Variants in OSGIN1 observed in about 807,000 individuals in gnomAD.
OSGIN1 encodes the protein oxidative stress induced growth inhibitor 1, also known as oxidative stress-induced growth inhibitor 1.
OSGIN1 carries 19 observed loss-of-function variants against 20.1 expected under a neutral mutation model. That is an observed-to-expected ratio of 0.95 (90% CI 0.66 to 1.39). The LOEUF (loss-of-function observed/expected upper bound fraction) is 1.39, where lower values mean the gene tolerates loss of function less well. OSGIN1 is among the 40% of genes most tolerant of loss of function. The pLI, the probability that OSGIN1 is intolerant of heterozygous loss-of-function variation, is 0.00. For missense variants in OSGIN1, 820 were observed against 653.0 expected (o/e 1.26, Z -2.79); for synonymous variants, 368 against 297.8 (o/e 1.24, Z -2.43).
At position 83,965,449 on chromosome 16, in the gene OSGIN1, C is replaced by T. The variant is rs370085717; in HGVS notation, c.876C>T (p.Gly292=). The T allele has an allele frequency of 8.1e-6, 13 of 1,596,516 alleles. No individual in the cohort carries two copies. The highest frequency in any genetic ancestry group is 4.5e-5 in the South Asian group (4 of 89,416). Residue 292 remains glycine (G), a synonymous_variant, in exon 6 of 6, where the codon GGC becomes GGT. Transcript: ENST00000393306. ...CCTCAGACCCTGTCCTCATCATTGG[C>T]GCGGGGCTGTCAGCGGCCGACGCGG... ...TPASDPVLII[G]AGLSAADAVL... is the part of the protein sequence containing the mutation.
chr16:83,957,772 G>A lies in OSGIN1; in HGVS notation c.67+34G>A, dbSNP rs144185083. On this transcript the variant is annotated intron_variant, in intron 2 of 5. Coordinates refer to ENST00000393306, the MANE Select transcript of OSGIN1 (RefSeq NM_182981.3). ...CAGGCCCCAGCCAGGGAGGGGCTCC[G>A]CTGAGCCTTCCGGGTACCCCCCAGG... is the stretch of plus-strand genomic sequence containing the variant. 3,058 of 1,308,598 alleles carry A rather than the reference G, an allele frequency of 2.3e-3. 34 individuals carry two copies. In the African/African-American group the frequency reaches 0.033, roughly 14 times the overall value. 81.1% of individuals were successfully genotyped at this position (1,308,598 alleles called of 1,614,324 possible). A position where few individuals can be genotyped will look rare whatever the true frequency, so the allele number is the denominator to read the frequency against.
intron 1 of OSGIN1, among the ~76,000 whole-genome samples, chr16:83,955,211 C>G (rs1908868820): frequency 6.6e-6 from 1 of 152,176 alleles, no homozygotes; most frequent in Non-Finnish European, 1.5e-5. Context: ...GTATCAGGAG[C>G]AAGCCAGAGA....
chr16:83,959,455 GC>G, intron 3 of OSGIN1, 59 bp downstream of exon 3: 1 of 1,495,126 alleles, frequency 6.7e-7, no homozygotes, highest in African/African-American at 1.4e-5. Context: ...GAAAACTACC[GC>G]CGCTTTCCCA....
At position 83,953,354 on chromosome 16, in the gene OSGIN1, G is replaced by A. The variant is rs1022102064; in HGVS notation, c.-49G>A. ...ACTTGGCCGGGCTCACTGGGCTCCT[G>A]CACCACTGCCTGTCAGGTGAGTGTC... On this transcript the variant is annotated 5_prime_UTR_variant, in exon 1 of 6. Coordinates refer to ENST00000393306, the MANE Select transcript of OSGIN1 (RefSeq NM_182981.3). 3.9e-6 allele frequency: 5 copies of A among 1,288,812 alleles called. No individual in the cohort carries two copies. In the African/African-American group the frequency reaches 7.6e-5, roughly 20 times the overall value. 79.8% of individuals were successfully genotyped at this position (1,288,812 alleles called of 1,614,324 possible).
chr16:83,958,025 T>TGA (rs1567655371), intron 2 of OSGIN1, among the ~76,000 whole-genome samples: 2 of 152,070 alleles, frequency 1.3e-5, no homozygotes, highest in African/African-American at 4.8e-5. Flanking sequence ...TACAGGTGCA[T>TGA]GCCACCATGC....
chr16:83,965,830 G>T lies in OSGIN1; in HGVS notation c.1257G>T (p.Pro419=). ...GADFAVDPDQ[P]LSAKRNPIDV... ...ACTTTGCAGTGGATCCTGACCAGCC[G>T]CTGAGCGCCAAGAGGAACCCCATTG... is the stretch of plus-strand genomic sequence containing the variant. The change falls in exon 6 of 6, where the codon CCG becomes CCT. Residue 419 remains proline (P), a synonymous_variant. Transcript: ENST00000393306. 1 of 1,613,028 alleles carries T rather than the reference G, an allele frequency of 6.2e-7. No homozygotes were observed. Among genetic ancestry groups the T allele is most frequent in the South Asian group, 1.1e-5 (1 of 91,084 alleles).
intron 1 of OSGIN1, 140 bp downstream of exon 1, chr16:83,953,510 C>A: frequency 1.7e-6 from 1 of 586,710 alleles, no homozygotes; most frequent in Non-Finnish European, 2.6e-6. Context: ...AGGCCCTCGC[C>A]TGGGTTCTCT....
chr16:83,965,477 C>T lies in OSGIN1; in HGVS notation c.904C>T (p.Leu302Phe), dbSNP rs150935446. 9 of 1,607,530 alleles carry T rather than the reference C, an allele frequency of 5.6e-6. No individual in the cohort carries two copies. Among genetic ancestry groups the T allele is most frequent in the Admixed American group, 1.7e-5 (1 of 59,980 alleles). Residue 302 changes from leucine to phenylalanine, a missense_variant, in exon 6 of 6, where the codon CTC becomes TTC. Transcript: ENST00000393306. ...GGGGCTGTCAGCGGCCGACGCGGTCCTCTACGCCCGCCACTACAACATCCC... is the reference window on the plus strand; with the variant it reads ...GGGGCTGTCAGCGGCCGACGCGGTCTTCTACGCCCGCCACTACAACATCCC... ...GAGLSAADAVLYARHYNIPVI... is the reference protein window; with the variant it reads ...GAGLSAADAVFYARHYNIPVI...
chr16:83,955,786 G>T (rs370076901), intron 1 of OSGIN1, among the ~76,000 whole-genome samples: 1 of 152,154 alleles, frequency 6.6e-6, no homozygotes, highest in Non-Finnish European at 1.5e-5. Flanking sequence ...AGGGAGCTGA[G>T]CATGAAGAGG....
In OSGIN1 at chr16:83,966,318, C is replaced by T; in HGVS notation, c.*311C>T. Reference sequence around the variant, plus strand: ...TTCCAGAAGCAGGTCCCAAATAAAGCCAGTGCCCACCTGCTCTCATGCGTC... The same window carrying T: ...TTCCAGAAGCAGGTCCCAAATAAAGTCAGTGCCCACCTGCTCTCATGCGTC... On this transcript the variant is annotated 3_prime_UTR_variant, in exon 6 of 6. Transcript: ENST00000393306. The T allele has an allele frequency of 2.4e-6, 1 of 424,408 alleles. No homozygotes were observed. Among genetic ancestry groups the T allele is most frequent in the Non-Finnish European group, 4.2e-6 (1 of 238,444 alleles). The allele number at this position is 424,408 out of a possible 1,614,324, so 26.3% of individuals were successfully genotyped here. A position where few individuals can be genotyped will look rare whatever the true frequency, so the allele number is the denominator to read the frequency against.
rs922067031 is a variant in OSGIN1, at chr16:83,960,992, C to G, written c.408C>G (p.Gly136=). ...TCCTTTCCCTGCAGTCCATCGAAGG[C>G]TCCATGGTGATCCTGAGCCAAGGCC... ...LPGGAWHSIE[G]SMVILSQGQW... Residue 136 remains glycine, a synonymous_variant, in exon 5 of 6, where the codon GGC becomes GGG. Coordinates refer to ENST00000393306, the MANE Select transcript of OSGIN1 (RefSeq NM_182981.3). 2 of 1,613,234 alleles carry G rather than the reference C, an allele frequency of 1.2e-6. No individual in the cohort carries two copies. The highest frequency in any genetic ancestry group is 1.3e-5 in the African/African-American group (1 of 74,936).
intron 5 of OSGIN1, among the ~76,000 whole-genome samples, chr16:83,962,261 T>C (rs1341202788): frequency 2.0e-5 from 3 of 152,154 alleles, no homozygotes; most frequent in Non-Finnish European, 2.9e-5. Context: ...TTGTTTTTAA[T>C]GAAGTCTCCC....
rs1567655079 is a variant in OSGIN1 at position 83,957,624 on chromosome 16, CT to C, written c.-32-15del. 2 of 1,333,448 alleles carry C rather than the reference CT, an allele frequency of 1.5e-6. No individual in the cohort carries two copies. Among genetic ancestry groups the C allele is most frequent in the Admixed American group, 3.8e-5 (2 of 52,938 alleles). The allele number at this position is 1,333,448 out of a possible 1,614,324, so 82.6% of individuals were successfully genotyped here. A position where few individuals can be genotyped will look rare whatever the true frequency, so the allele number is the denominator to read the frequency against. On this transcript the variant is annotated splice_polypyrimidine_tract_variant and intron_variant, in intron 1 of 5. Transcript: ENST00000393306. ...TCACCCGAATGGACTCTTCCTTCCC[CT>C]CTCCCCCACTCCAGGTCCGCTGCCA...
rs2084278745 is a variant in OSGIN1 at position 83,966,225 on chromosome 16, G to A, written c.*218G>A. 1 of 554,250 alleles carries A rather than the reference G, an allele frequency of 1.8e-6. No homozygotes were observed. The highest frequency in any genetic ancestry group is 3.2e-6 in the Non-Finnish European group (1 of 317,332). 34.3% of individuals were successfully genotyped at this position (554,250 alleles called of 1,614,324 possible). A position where few individuals can be genotyped will look rare whatever the true frequency, so the allele number is the denominator to read the frequency against. ...GCAGGCCAGGGTTGGCCTAGACCTG[G>A]GATTTGTGGGGAAAGCTGCTGGTGT... is the stretch of plus-strand genomic sequence containing the variant. On this transcript the variant is annotated 3_prime_UTR_variant, in exon 6 of 6. Coordinates refer to ENST00000393306, the MANE Select transcript of OSGIN1 (RefSeq NM_182981.3).
At chr16:83,965,019 C>G (rs751661345) in intron 5 of OSGIN1, 43 bp from the exon 6 acceptor site, 5 of 1,308,958 alleles carry the variant, frequency 3.8e-6, no homozygotes, top group Non-Finnish European at 5.4e-6. Context: ...CCCCCCAACC[C>G]CTAACAGTGT....
In OSGIN1 at chr16:83,965,872, C is replaced by G. The variant is rs948501769; in HGVS notation, c.1299C>G (p.Thr433=). The change falls in exon 6 of 6, where the codon ACC becomes ACG. Residue 433 remains threonine (T), a synonymous_variant. Coordinates refer to ENST00000393306, the MANE Select transcript of OSGIN1 (RefSeq NM_182981.3). ...ACCCCATTGACGTGGACCCCTTCAC[C>G]TACCAGAGCACCCGCCAGGAGGGCC... ...KRNPIDVDPF[T]YQSTRQEGLY... The G allele has an allele frequency of 6.2e-7, 1 of 1,612,942 alleles. No individual in the cohort carries two copies. The highest frequency in any genetic ancestry group is 8.5e-7 in the Non-Finnish European group (1 of 1,180,008).
Position 83,965,361 on chromosome 16 carries a change from C to G in OSGIN1, c.788C>G (p.Pro263Arg), listed in dbSNP as rs1567658727. Residue 263 changes from proline (P) to arginine (R), a missense_variant, in exon 6 of 6, where the codon CCC becomes CGC. By Grantham distance (103) the Pro-to-Arg change is moderately radical. Transcript: ENST00000393306. ...ARLGIPGEAL[P>R]FIHHELSALE... Reference sequence around the variant, plus strand: ...CTGGGCATCCCCGGGGAGGCCCTGCCCTTCATCCACCATGAGCTGTCTGCC... The same window carrying G: ...CTGGGCATCCCCGGGGAGGCCCTGCGCTTCATCCACCATGAGCTGTCTGCC... 6.4e-7 allele frequency: 1 copy of G among 1,571,382 alleles called. No individual in the cohort carries two copies. The highest frequency in any genetic ancestry group is 1.7e-5 in the Admixed American group (1 of 58,028).
chr16:83,958,997 C>G (rs1478736085), intron 2 of OSGIN1, among the ~76,000 whole-genome samples: 1 of 152,152 alleles, frequency 6.6e-6, no homozygotes, highest in Non-Finnish European at 1.5e-5. Context: ...GTGGCACTTA[C>G]CTCGCTAAAG....
At chr16:83,962,052 C>T (rs2151078080) in intron 5 of OSGIN1, among the ~76,000 whole-genome samples, 1 of 151,078 alleles carries the variant, frequency 6.6e-6, no homozygotes, top group Non-Finnish European at 1.5e-5. Flanking sequence ...CACCTAAGGT[C>T]ATGCAGGTTA....
Sources: gnomAD v4.1 joint callset for allele counts (sites outside exome capture counted in the v4.1 genomes callset) on GRCh38, gnomAD v4.1.1 for gene constraint, MANE v1.5 for transcripts, NCBI Gene and HGNC (gene_info 2026-07-23, HGNC 2026-07-21) for gene names.